The following PCDH17 variants were observed in gnomAD, a reference collection of about 807,000 sequenced individuals.
PCDH17 encodes protocadherin 17, also known as protocadherin-17.
PCDH17 carries 21 observed loss-of-function variants against 67.7 expected under a neutral mutation model. The ratio of observed to expected loss-of-function variants is 0.31; its 90% confidence interval spans 0.22 to 0.45. The LOEUF is 0.45. Ranked by LOEUF, PCDH17 falls within the 20% of genes least tolerant of loss-of-function variation. The pLI is 1.00. For synonymous variants in PCDH17, 701 were observed against 656.7 expected (o/e 1.07, Z -1.03); for missense variants, 1,471 against 1,564.8 (o/e 0.94, Z 1.01).
intron 1 of PCDH17, among the ~76,000 whole-genome samples, chr13:57,649,613 T>C (rs1340086616): frequency 6.6e-6 from 1 of 152,158 alleles, no homozygotes; most frequent in African/African-American, 2.4e-5. Flanking sequence ...CACTCATCTG[T>C]TTTTTAATGA....
intron 3 of PCDH17, among the ~76,000 whole-genome samples, chr13:57,683,763 A>T (rs1163939031): frequency 6.6e-6 from 1 of 151,918 alleles, no homozygotes; most frequent in South Asian, 2.1e-4. Context: ...TAATTAAATC[A>T]TTCAATTTGA....
chr13:57,711,731 T>C (rs1270621174), intron 3 of PCDH17, among the ~76,000 whole-genome samples: 1 of 151,512 alleles, frequency 6.6e-6, no homozygotes, highest in South Asian at 2.1e-4. Flanking sequence ...ATTATAAAAT[T>C]ACTATAACAT....
intron 1 of PCDH17, among the ~76,000 whole-genome samples, chr13:57,655,661 G>A (rs952962282): frequency 5.9e-5 from 9 of 152,010 alleles, no homozygotes; most frequent in African/African-American, 2.2e-4. Flanking sequence ...GATAATAAAT[G>A]GCCATGATTG....
rs1396004598 is a variant in PCDH17, at chr13:57,634,882, C to T, written c.2336C>T (p.Ala779Val). The change falls in exon 1 of 4, where the codon GCC becomes GTC. Residue 779 changes from alanine to valine, a missense_variant. By Grantham distance (64) the Ala-to-Val change is moderately conservative. This residue lies in a region of PCDH17 where 1,163 missense variants were observed against 1,230.0 expected (regional missense o/e 0.95). Coordinates refer to ENST00000377918, the MANE Select transcript of PCDH17 (RefSeq NM_001040429.3). This position sits in a 1 kb window ranked among gnomAD's most constrained non-coding sequence, Gnocchi z 7.8. ...LVQSEVEERNAMNVMNVVSSP... is the reference protein window; with the variant it reads ...LVQSEVEERNVMNVMNVVSSP... ...CAGAGCGAAGTGGAGGAGAGGAACG[C>T]CATGAACGTCATGAACGTGGTGAGC... 7 of 1,613,976 alleles carry T rather than the reference C, an allele frequency of 4.3e-6. No individual in the cohort carries two copies. The East Asian group carries it at 6.7e-5, about 15-fold the overall frequency.
chr13:57,728,552 A>G lies in PCDH17; in HGVS notation c.*3258A>G, dbSNP rs755297429. ...AAAAAAAAAAAAAAGCAACAAAATA[A>G]CCTTTTCATCAGAGTTAAAAGTAGT... On this transcript the variant is annotated 3_prime_UTR_variant, in exon 4 of 4. Transcript: ENST00000377918. 9.0e-4 allele frequency: 135 copies of G among 149,508 alleles called. No homozygotes were observed. Among genetic ancestry groups the G allele is most frequent in the Non-Finnish European group, 1.6e-3 (106 of 67,280 alleles). 9.3% of individuals were successfully genotyped at this position (149,508 alleles called of 1,614,324 possible). A position where few individuals can be genotyped will look rare whatever the true frequency, so the allele number is the denominator to read the frequency against.
chr13:57,666,364 G>T (rs1396637740), intron 1 of PCDH17, 104 bp from the exon 2 acceptor site: 1 of 833,200 alleles, frequency 1.2e-6, no homozygotes, highest in Non-Finnish European at 2.0e-6. Context: ...AAGATTAAGG[G>T]AATTTTTGAA....
chr13:57,725,450 T>C lies in PCDH17; in HGVS notation c.*156T>C. 1 of 605,462 alleles carries C rather than the reference T, an allele frequency of 1.7e-6. No individual in the cohort carries two copies. The highest frequency in any genetic ancestry group is 2.8e-6 in the Non-Finnish European group (1 of 357,372). 37.5% of individuals were successfully genotyped at this position (605,462 alleles called of 1,614,324 possible). On this transcript the variant is annotated 3_prime_UTR_variant, in exon 4 of 4. Transcript: ENST00000377918. Reference sequence around the variant, plus strand: ...TCTGAAGTGCCCACAAGTATGTTCTTTCCACTGCTGATTTCTTTTTCAGAG... The same window carrying C: ...TCTGAAGTGCCCACAAGTATGTTCTCTCCACTGCTGATTTCTTTTTCAGAG...
chr13:57,643,820 T>G (rs1486322571), intron 1 of PCDH17, among the ~76,000 whole-genome samples: 2 of 151,710 alleles, frequency 1.3e-5, no homozygotes, highest in African/African-American at 4.8e-5. Context: ...TAATGAATTT[T>G]TTTATTTTTG....
At chr13:57,646,735 G>A (rs529768370) in intron 1 of PCDH17, among the ~76,000 whole-genome samples, 1 of 151,602 alleles carries the variant, frequency 6.6e-6, no homozygotes, top group Non-Finnish European at 1.5e-5. Flanking sequence ...TTAAGCTAAC[G>A]GTATTAAATA....
At chr13:57,656,325 T>G (rs1955102848) in intron 1 of PCDH17, among the ~76,000 whole-genome samples, 1 of 152,146 alleles carries the variant, frequency 6.6e-6, no homozygotes, top group Admixed American at 6.5e-5. Context: ...CATAAAAATT[T>G]AATTTGTAAA....
At chr13:57,700,363 G>C (rs1214826588) in intron 3 of PCDH17, among the ~76,000 whole-genome samples, 1 of 146,334 alleles carries the variant, frequency 6.8e-6, no homozygotes, top group African/African-American at 2.5e-5. Flanking sequence ...TCTATCGCCA[G>C]GCTGGATTGC....
rs17054231 is a variant in PCDH17 at position 57,657,811 on chromosome 13, T to G, written c.2566-8657T>G. Reference sequence around the variant, plus strand: ...CTGGATTAGGAAAACACTGAAAATATAAATTTGGCTGATTTTATAATTATA... The same window carrying G: ...CTGGATTAGGAAAACACTGAAAATAGAAATTTGGCTGATTTTATAATTATA... On this transcript the variant is annotated intron_variant, in intron 1 of 3. Transcript: ENST00000377918. 5.3e-3 allele frequency among the ~76,000 whole-genome samples: 806 copies of G among 152,336 alleles called. 20 individuals carry two copies. The highest frequency in any genetic ancestry group is 0.037 in the Admixed American group (561 of 15,296).
At chr13:57,713,892 T>C (rs888701032) in intron 3 of PCDH17, among the ~76,000 whole-genome samples, 1 of 151,580 alleles carries the variant, frequency 6.6e-6, no homozygotes, top group Non-Finnish European at 1.5e-5. Flanking sequence ...TTTGTATTAC[T>C]TCTTTCTTCA....
intron 1 of PCDH17, among the ~76,000 whole-genome samples, chr13:57,650,218 T>TGTGTGTGTG (rs1955018327): frequency 7.3e-6 from 1 of 137,480 alleles, no homozygotes. Flanking sequence ...GGACCCTTGA[T>TGTGTGTGTG]TGTGTGTGTG....
intron 3 of PCDH17, chr13:57,709,607 G>C (rs575715736): frequency 5.3e-5 from 8 of 152,090 alleles, no homozygotes; most frequent in South Asian, 2.1e-4. Context: ...TCATAATTCA[G>C]TTGGCCCTTT....
Position 57,726,395 on chromosome 13 carries a change from A to G in PCDH17, c.*1101A>G, listed in dbSNP as rs1244869005. ...CTATATTGTGTATTTTATTAAATTA[A>G]TATATAGTTGTGTTGCAAAAATATT... On this transcript the variant is annotated 3_prime_UTR_variant, in exon 4 of 4. Transcript: ENST00000377918. 2.0e-5 allele frequency: 3 copies of G among 152,662 alleles called. No homozygotes were observed. The highest frequency in any genetic ancestry group is 7.2e-5 in the African/African-American group (3 of 41,464). 9.5% of individuals were successfully genotyped at this position (152,662 alleles called of 1,614,324 possible). A position where few individuals can be genotyped will look rare whatever the true frequency, so the allele number is the denominator to read the frequency against.
At chr13:57,684,961 A>G (rs907738141) in intron 3 of PCDH17, among the ~76,000 whole-genome samples, 3 of 151,988 alleles carry the variant, frequency 2.0e-5, no homozygotes, top group Non-Finnish European at 4.4e-5. Context: ...ACTCAAATTC[A>G]GCTAATAATA....
At chr13:57,703,763 A>T (rs1372025371) in intron 3 of PCDH17, among the ~76,000 whole-genome samples, 1 of 152,134 alleles carries the variant, frequency 6.6e-6, no homozygotes, top group African/African-American at 2.4e-5. Context: ...TAGTTCAGCC[A>T]CCCTATGAGT....
At chr13:57,651,022 T>C (rs1042287269) in intron 1 of PCDH17, among the ~76,000 whole-genome samples, 2 of 152,192 alleles carry the variant, frequency 1.3e-5, no homozygotes, top group Non-Finnish European at 2.9e-5. Flanking sequence ...ACATGACATA[T>C]ACATCAAAAT....
Sources: allele counts gnomAD v4.1 joint callset (sites outside exome capture counted in the v4.1 genomes callset), GRCh38; gene constraint gnomAD v4.1.1; regional missense constraint gnomAD v4.1.1; non-coding constraint Gnocchi (gnomAD v3.1); transcripts MANE v1.5; gene names NCBI Gene and HGNC (gene_info 2026-07-23, HGNC 2026-07-21).